The following CCDC30 variants were observed in gnomAD, a reference collection of about 807,000 sequenced individuals.
CCDC30 encodes the protein coiled-coil domain-containing protein 30.
Under a neutral mutation model 100.2 loss-of-function variants are expected in CCDC30, and 70 were observed. The observed-to-expected ratio is 0.70, with a 90% CI of 0.58 to 0.85. The LOEUF (loss-of-function observed/expected upper bound fraction) is 0.85. Among genes scored for constraint, CCDC30 ranks in the 40% least tolerant of loss-of-function variants. CCDC30 has a pLI of 0.00. For synonymous variants in CCDC30, 233 were observed against 269.5 expected, an observed-to-expected ratio of 0.86 and a Z score of 1.33; for missense variants, 652 against 771.2, an observed-to-expected ratio of 0.85 and a Z score of 1.83.
At chr1:42,637,410 T>C (rs1647182076) in intron 12 of CCDC30, 32 bp downstream of exon 16, 1 of 1,595,576 alleles carries the variant, frequency 6.3e-7, no homozygotes, top group Non-Finnish European at 8.5e-7. Context: ...AAGAGCTCAC[T>C]GGTGATTCCC....
intron 11 of CCDC30, among the ~76,000 whole-genome samples, chr1:42,635,185 A>C (rs910375805): frequency 1.2e-4 from 18 of 152,002 alleles, no homozygotes; most frequent in African/African-American, 4.4e-4. Flanking sequence ...CCTCCTGAAT[A>C]CAGGTGCCCG....
At chr1:42,561,778 C>A (rs1464295259) in intron 6 of CCDC30, among the ~76,000 whole-genome samples, 4 of 152,138 alleles carry the variant, frequency 2.6e-5, no homozygotes, top group African/African-American at 4.8e-5. Context: ...AATCAATGTG[C>A]AAAAACCACA....
At chr1:42,565,824 C>T (rs1477953001) in intron 6 of CCDC30, among the ~76,000 whole-genome samples, 1 of 151,960 alleles carries the variant, frequency 6.6e-6, no homozygotes, top group South Asian at 2.1e-4. Flanking sequence ...GGAGAAGAAT[C>T]ATCGGGAAAT....
intron 15 of CCDC30, among the ~76,000 whole-genome samples, chr1:42,647,106 AT>A (rs201908243): frequency 2.7e-3 from 418 of 152,272 alleles, no homozygotes; most frequent in African/African-American, 9.7e-3. Context: ...TCTCAAAAAA[AT>A]AAATAAATAA....
At chr1:42,538,149 C>CAAAAAAAA (rs776412637) in intron 6 of CCDC30, among the ~76,000 whole-genome samples, 33 of 82,364 alleles carry the variant, frequency 4.0e-4, no homozygotes, top group African/African-American at 9.9e-4. Flanking sequence ...ACTGTCTCCA[C>CAAAAAAAA]AAAAAAAAAA....
At chr1:42,542,205 CT>C (rs1245720019) in intron 6 of CCDC30, among the ~76,000 whole-genome samples, 1 of 152,116 alleles carries the variant, frequency 6.6e-6, no homozygotes, top group Non-Finnish European at 1.5e-5. Context: ...CTTTAACTTT[CT>C]TTGTTATAAA....
chr1:42,528,855 T>G (rs1319683421), intron 6 of CCDC30, among the ~76,000 whole-genome samples: 1 of 152,200 alleles, frequency 6.6e-6, no homozygotes, highest in Non-Finnish European at 1.5e-5. Context: ...ATGTTATCTG[T>G]GACATTCTGG....
chr1:42,536,489 G>A, intron 6 of CCDC30: 2 of 1,604,834 alleles, frequency 1.2e-6, no homozygotes, highest in Middle Eastern at 3.3e-4. Flanking sequence ...CTGAAAATGA[G>A]CCAAGAAAAA....
intron 1 of CCDC30, among the ~76,000 whole-genome samples, chr1:42,470,164 C>G (rs2148439100): frequency 6.6e-6 from 1 of 152,234 alleles, no homozygotes; most frequent in Non-Finnish European, 1.5e-5. Flanking sequence ...GAGGGGCAAA[C>G]AAGTGAAGCC....
intron 11 of CCDC30, among the ~76,000 whole-genome samples, chr1:42,635,942 C>T (rs1647146425): frequency 6.6e-6 from 1 of 152,158 alleles, no homozygotes. Flanking sequence ...TCCTTGTCAG[C>T]ACTTGTTATT....
chr1:42,581,109 G>A (rs1339288626), intron 8 of CCDC30: 5 of 389,362 alleles, frequency 1.3e-5, no homozygotes, highest in African/African-American at 1.0e-4. Context: ...CCACAGTTCT[G>A]GGATTACAGG....
intron 6 of CCDC30, among the ~76,000 whole-genome samples, chr1:42,552,627 G>A (rs750832090): frequency 3.3e-5 from 5 of 152,062 alleles, no homozygotes; most frequent in Non-Finnish European, 7.4e-5. Flanking sequence ...TTATTTTGAG[G>A]TAATTGCAGG....
rs542403937 is a variant in CCDC30 at position 42,632,277 on chromosome 1, G to T, written c.1278-4960G>T. ...TGTCCAGGAGCTAGGGCCTGGAAAG[G>T]GGGCCTCATTACTCTGACCAGTGCC... On this transcript the variant is annotated intron_variant, in intron 11 of 16. Coordinates refer to ENST00000668663, the Ensembl canonical transcript of CCDC30. Among the ~76,000 whole-genome samples the T allele has an allele frequency of 9.2e-5, 14 of 152,210 alleles. No homozygotes were observed. In the South Asian group the frequency reaches 2.3e-3, roughly 25 times the overall value.
intron 11 of CCDC30, among the ~76,000 whole-genome samples, chr1:42,635,546 G>A (rs940753041): frequency 6.6e-6 from 1 of 151,818 alleles, no homozygotes; most frequent in Non-Finnish European, 1.5e-5. Context: ...GTGGTGGCTG[G>A]CGCCTGTAAT....
chr1:42,517,787 G>A (rs4363459), intron 6 of CCDC30, among the ~76,000 whole-genome samples: 21,502 of 152,102 alleles, frequency 0.14, 1,623 homozygotes, highest in East Asian at 0.18. Flanking sequence ...TCAAATATGC[G>A]AGAGTTTGTT....
intron 11 of CCDC30, among the ~76,000 whole-genome samples, chr1:42,615,278 CT>C (rs1646703715): frequency 6.6e-6 from 1 of 152,094 alleles, no homozygotes. Flanking sequence ...TGAAAAACAT[CT>C]TAAGCAACTC....
At chr1:42,640,222 T>G (rs1647288599) in intron 12 of CCDC30, among the ~76,000 whole-genome samples, 1 of 152,218 alleles carries the variant, frequency 6.6e-6, no homozygotes, top group Non-Finnish European at 1.5e-5. Flanking sequence ...GCTTCATTCC[T>G]TCAGCTTTTT....
intron 1 of CCDC30, among the ~76,000 whole-genome samples, chr1:42,472,082 C>T (rs1014911764): frequency 3.3e-5 from 5 of 151,972 alleles, no homozygotes; most frequent in South Asian, 2.1e-4. Flanking sequence ...GGTGAAACCT[C>T]GTCTCTACTA....
chr1:42,604,184 A>C (rs533322392), intron 10 of CCDC30, among the ~76,000 whole-genome samples: 5 of 152,252 alleles, frequency 3.3e-5, no homozygotes, highest in African/African-American at 9.6e-5. Flanking sequence ...ACTGCACCCC[A>C]CCCCAGCATG....
Sources: allele counts gnomAD v4.1 joint callset (sites outside exome capture counted in the v4.1 genomes callset), GRCh38; gene constraint gnomAD v4.1.1; transcripts MANE v1.5; gene names NCBI Gene and HGNC (gene_info 2026-07-23, HGNC 2026-07-21).